The following PARD3B variants were observed in gnomAD, a reference collection of about 807,000 sequenced individuals.
The protein encoded by PARD3B is partitioning defective 3 homolog B.
Under a neutral mutation model 130.2 loss-of-function variants are expected in PARD3B, and 103 were observed. That is an observed-to-expected ratio of 0.79 (90% CI 0.67 to 0.93). The LOEUF (loss-of-function observed/expected upper bound fraction) is 0.93, where lower values mean the gene tolerates loss of function less well. Ranked by LOEUF, PARD3B falls within the 40% of genes least tolerant of loss-of-function variation. The pLI is 0.00. For missense variants in PARD3B, 1,609 were observed against 1,499.2 expected, an observed-to-expected ratio of 1.07 and a Z score of -1.21; for synonymous variants, 583 against 553.2, an observed-to-expected ratio of 1.05 and a Z score of -0.76.
chr2:205,565,367 A>C (rs1243824497), intron 22 of PARD3B, among the ~76,000 whole-genome samples: 1 of 152,178 alleles, frequency 6.6e-6, no homozygotes, highest in Non-Finnish European at 1.5e-5. Flanking sequence ...CTTTCCATTG[A>C]TATGTCGGTG....
rs2105810549 is a variant in PARD3B at position 205,274,482 on chromosome 2, T to G, written c.2186-26048T>G. On this transcript the variant is annotated intron_variant, in intron 16 of 22. Transcript: ENST00000406610. This position sits in a 1 kb window ranked among gnomAD's most constrained non-coding sequence, Gnocchi z 4.2. ...ACCTCATTGGTAAGTTCTTGCAATA[T>G]TTATTATTAAACATTAATTATTAAA... Among the ~76,000 whole-genome samples, 1 of 152,070 alleles carries G rather than the reference T, an allele frequency of 6.6e-6. No individual in the cohort carries two copies. The highest frequency in any genetic ancestry group is 2.1e-4 in the South Asian group (1 of 4,818).
rs113102707 is a variant in PARD3B at position 205,200,106 on chromosome 2, T to A, written c.2140+6786T>A. On this transcript the variant is annotated intron_variant, in intron 15 of 22. Coordinates refer to ENST00000406610, the MANE Select transcript of PARD3B (RefSeq NM_001302769.2). ...GTTTTACATATAGGTTATGTTGATG[T>A]TTATAAAAGTATTTCCATTTGTTTT... is the stretch of plus-strand genomic sequence containing the variant. Among the ~76,000 whole-genome samples, 1,169 of 152,314 alleles carry A rather than the reference T, an allele frequency of 7.7e-3. 15 individuals are homozygous for A. Among genetic ancestry groups the A allele is most frequent in the Middle Eastern group, 0.014 (4 of 294 alleles).
intron 2 of PARD3B, among the ~76,000 whole-genome samples, chr2:204,836,916 A>G (rs2044055740): frequency 1.3e-5 from 2 of 152,328 alleles, no homozygotes; most frequent in African/African-American, 2.4e-5. Flanking sequence ...TGTTATAAAA[A>G]TGAGTTTTTA....
intron 18 of PARD3B, among the ~76,000 whole-genome samples, chr2:205,381,167 A>ATATATAT (rs1207264499): frequency 8.2e-5 from 10 of 121,292 alleles, no homozygotes; most frequent in East Asian, 4.6e-4. Flanking sequence ...TATATAAAGA[A>ATATATAT]TATATAATAT....
intron 2 of PARD3B, among the ~76,000 whole-genome samples, chr2:204,862,338 ATAAG>A (rs2125630351): frequency 6.6e-6 from 1 of 152,306 alleles, no homozygotes; most frequent in South Asian, 2.1e-4. Context: ...CACCTGGAAA[ATAAG>A]GGAGTGGCTT....
chr2:205,447,932 A>G (rs1039102760), intron 20 of PARD3B, among the ~76,000 whole-genome samples: 43 of 152,218 alleles, frequency 2.8e-4, no homozygotes, highest in African/African-American at 9.9e-4. Flanking sequence ...CTACCTGGAC[A>G]CAGCATCTAA....
chr2:204,946,560 A>T (rs1462110092), intron 2 of PARD3B, among the ~76,000 whole-genome samples: 1 of 152,136 alleles, frequency 6.6e-6, no homozygotes, highest in Non-Finnish European at 1.5e-5. Flanking sequence ...TTTTGCTTCT[A>T]GGTCTTGGAC....
At chr2:204,680,717 AT>A (rs1262376177) in intron 1 of PARD3B, among the ~76,000 whole-genome samples, 1 of 151,542 alleles carries the variant, frequency 6.6e-6, no homozygotes, top group Non-Finnish European at 1.5e-5. Context: ...TACTAGAAGT[AT>A]TTTCTCATTG....
chr2:205,505,766 G>A (rs1249294495), intron 21 of PARD3B, among the ~76,000 whole-genome samples: 1 of 152,132 alleles, frequency 6.6e-6, no homozygotes, highest in Non-Finnish European at 1.5e-5. Flanking sequence ...TGAATATCCT[G>A]TAAATAATTT....
chr2:205,095,082 A>G (rs1381222700), intron 4 of PARD3B, among the ~76,000 whole-genome samples: 3 of 152,176 alleles, frequency 2.0e-5, no homozygotes, highest in Non-Finnish European at 4.4e-5. Flanking sequence ...CTTTGATCAT[A>G]CATTTTATGA....
intron 22 of PARD3B, among the ~76,000 whole-genome samples, chr2:205,554,188 C>T (rs570417902): frequency 9.9e-5 from 15 of 152,198 alleles, no homozygotes; most frequent in African/African-American, 2.6e-4. Flanking sequence ...GTTAATGCCA[C>T]GCAGAAAGTT....
chr2:205,281,890 C>T lies in PARD3B; in HGVS notation c.2186-18640C>T, dbSNP rs1480732241. ...AATGCCTTGTAGTTGAAGAGGAAGA[C>T]AAAAAGAAACTAATTCTACTTGTGT... On this transcript the variant is annotated intron_variant, in intron 16 of 22. Coordinates refer to ENST00000406610, the MANE Select transcript of PARD3B (RefSeq NM_001302769.2). This position sits in a 1 kb window ranked among gnomAD's most constrained non-coding sequence, Gnocchi z 4.2. 6.6e-6 allele frequency among the ~76,000 whole-genome samples: 1 copy of T among 152,144 alleles called. No individual in the cohort carries two copies. The highest frequency in any genetic ancestry group is 2.4e-5 in the African/African-American group (1 of 41,444).
chr2:205,057,949 G>T, intron 4 of PARD3B, among the ~76,000 whole-genome samples: 1 of 151,418 alleles, frequency 6.6e-6, no homozygotes, highest in East Asian at 1.9e-4. Context: ...ACAATTTTAA[G>T]TGTATAGTTC....
rs2048799674 is a variant in PARD3B, at chr2:205,470,826, C to A, written c.3045-29070C>A. ...AATTCTATGGAGTTTACAATAGAAT[C>A]ATAGGGAAGCTCTTAAACAGCACCC... On this transcript the variant is annotated intron_variant, in intron 20 of 22. Transcript: ENST00000406610. This position sits in a 1 kb window ranked among gnomAD's most constrained non-coding sequence, Gnocchi z 4.8. 6.6e-6 allele frequency among the ~76,000 whole-genome samples: 1 copy of A among 152,174 alleles called. No individual in the cohort carries two copies. The highest frequency in any genetic ancestry group is 1.5e-5 in the Non-Finnish European group (1 of 68,032).
At chr2:204,909,831 C>T (rs1575278157) in intron 2 of PARD3B, among the ~76,000 whole-genome samples, 1 of 152,208 alleles carries the variant, frequency 6.6e-6, no homozygotes, top group East Asian at 1.9e-4. Context: ...ATGAATCTGC[C>T]ATAATTAATA....
chr2:204,997,343 C>T (rs1694314660), intron 3 of PARD3B, among the ~76,000 whole-genome samples: 1 of 152,166 alleles, frequency 6.6e-6, no homozygotes, highest in Non-Finnish European at 1.5e-5. Flanking sequence ...AGAGAATTGG[C>T]ATTCTTACAA....
chr2:205,013,359 GT>G (rs142430339), intron 3 of PARD3B, among the ~76,000 whole-genome samples: 10 of 151,958 alleles, frequency 6.6e-5, no homozygotes, highest in South Asian at 2.1e-4. Context: ...GTTTAAAATT[GT>G]TTTTTTTCCC....
intron 2 of PARD3B, among the ~76,000 whole-genome samples, chr2:204,761,875 T>C (rs1449541377): frequency 1.3e-5 from 2 of 152,066 alleles, no homozygotes; most frequent in African/African-American, 4.8e-5. Context: ...GTCCGTGGTA[T>C]AGTTATAATA....
At chr2:204,661,405 G>A (rs2035803337) in intron 1 of PARD3B, among the ~76,000 whole-genome samples, 1 of 152,060 alleles carries the variant, frequency 6.6e-6, no homozygotes, top group South Asian at 2.1e-4. Context: ...TGGAGTCCCC[G>A]AGATGCAACT....
Sources: allele counts gnomAD v4.1 joint callset (sites outside exome capture counted in the v4.1 genomes callset), GRCh38; gene constraint gnomAD v4.1.1; non-coding constraint Gnocchi (gnomAD v3.1); transcripts MANE v1.5; gene names NCBI Gene and HGNC (gene_info 2026-07-23, HGNC 2026-07-21).